The following FBXO8 variants were observed in gnomAD, a reference collection of about 807,000 sequenced individuals.
The protein encoded by FBXO8 is F-box protein 8.
FBXO8 carries 15 observed loss-of-function variants against 33.4 expected under a neutral mutation model. The observed-to-expected ratio is 0.45, with a 90% CI of 0.30 to 0.69. The LOEUF is 0.69. FBXO8 is among the 30% of genes least tolerant of loss of function. The probability of loss-of-function intolerance (pLI) is 0.08; values close to 1 mark genes in which losing one functional copy is unlikely to be tolerated. For missense variants in FBXO8, 274 were observed against 380.3 expected, an observed-to-expected ratio of 0.72 and a Z score of 2.32; for synonymous variants, 132 against 131.5, an observed-to-expected ratio of 1.00 and a Z score of -0.02.
chr4:174,280,321 G>C (rs941674518), intron 1 of FBXO8, among the ~76,000 whole-genome samples: 1 of 149,050 alleles, frequency 6.7e-6, no homozygotes, highest in Non-Finnish European at 1.5e-5. Flanking sequence ...AGTTACTATC[G>C]AAAAAAAAAT....
In FBXO8 at chr4:174,262,733, C is replaced by T. The variant is rs1560872117; in HGVS notation, c.329+31G>A. The T allele has an allele frequency of 1.9e-6, 3 of 1,579,108 alleles. No individual in the cohort carries two copies. The highest frequency in any genetic ancestry group is 2.6e-6 in the Non-Finnish European group (3 of 1,150,498). On this transcript the variant is annotated intron_variant, in intron 2 of 5. Coordinates refer to ENST00000393674, the MANE Select transcript of FBXO8 (RefSeq NM_012180.3). This position sits in a 1 kb window ranked among gnomAD's most constrained non-coding sequence, Gnocchi z 4.6. ...TGAAGCATGATTATGTTTAGAGATA[C>T]CTGAATTCAACTTTGGTGGGTTTAA...
At position 174,254,272 on chromosome 4, in the gene FBXO8, G is replaced by A. The variant is rs1273754821; in HGVS notation, c.456+5427C>T. On this transcript the variant is annotated intron_variant, in intron 3 of 5. Transcript: ENST00000393674. The surrounding 1 kb of genome is among the most constrained non-coding windows in gnomAD (Gnocchi z 4.2). ...TTTATGCTATCTGGCATTGTTTGAAGTATGTGTGTCTTACTGTCAACTTGG... is the reference window on the plus strand; with the variant it reads ...TTTATGCTATCTGGCATTGTTTGAAATATGTGTGTCTTACTGTCAACTTGG... Among the ~76,000 whole-genome samples the A allele has an allele frequency of 2.0e-5, 3 of 152,170 alleles. No individual in the cohort carries two copies. The highest frequency in any genetic ancestry group is 4.4e-5 in the Non-Finnish European group (3 of 68,020).
At position 174,263,051 on chromosome 4, in the gene FBXO8, C is replaced by T. The variant is rs746200895; in HGVS notation, c.42G>A (p.Leu14=). The change falls in exon 2 of 6, where the codon CTG becomes CTA. Residue 14 remains leucine (L), a synonymous_variant. Transcript: ENST00000393674. This position sits in a 1 kb window ranked among gnomAD's most constrained non-coding sequence, Gnocchi z 4.2. ...GLWRVVRNQQ[L]QQEGYSEQGY... ...CTTGCTCACTGTAGCCTTCTTGTTG[C>T]AGCTGCTGGTTTCTGACCACTCTCC... 2.5e-5 allele frequency: 41 copies of T among 1,613,918 alleles called. No individual in the cohort carries two copies. The highest frequency in any genetic ancestry group is 1.8e-4 in the East Asian group (8 of 44,884).
rs189808879 is a variant in FBXO8 at position 174,268,222 on chromosome 4, G to C, written c.-8-5122C>G. ...TCTATTCACAATATTTTCATTAACTGATCAATACATAACCTTACTGTATGT... is the reference window on the plus strand; with the variant it reads ...TCTATTCACAATATTTTCATTAACTCATCAATACATAACCTTACTGTATGT... On this transcript the variant is annotated intron_variant, in intron 1 of 5. Transcript: ENST00000393674. Among the ~76,000 whole-genome samples, 17 of 152,238 alleles carry C rather than the reference G, an allele frequency of 1.1e-4. No individual in the cohort carries two copies. In the East Asian group the frequency reaches 3.3e-3, roughly 29 times the overall value.
chr4:174,254,999 A>G lies in FBXO8; in HGVS notation c.456+4700T>C, dbSNP rs1736384791. Among the ~76,000 whole-genome samples the G allele has an allele frequency of 1.3e-5, 2 of 152,180 alleles. No homozygotes were observed. Among genetic ancestry groups the G allele is most frequent in the Admixed American group, 1.3e-4 (2 of 15,272 alleles). On this transcript the variant is annotated intron_variant, in intron 3 of 5. Coordinates refer to ENST00000393674, the MANE Select transcript of FBXO8 (RefSeq NM_012180.3). This position sits in a 1 kb window ranked among gnomAD's most constrained non-coding sequence, Gnocchi z 4.2. ...CACCACGTCAAACAAAATTAGATATATATTGCATATAACATCCCCCTTGTT... is the reference window on the plus strand; with the variant it reads ...CACCACGTCAAACAAAATTAGATATGTATTGCATATAACATCCCCCTTGTT...
intron 5 of FBXO8, among the ~76,000 whole-genome samples, chr4:174,238,595 A>G (rs908099901): frequency 3.3e-5 from 5 of 151,276 alleles, no homozygotes; most frequent in South Asian, 4.2e-4. Flanking sequence ...ACAAATGTCT[A>G]TATGTCTATA....
At position 174,262,993 on chromosome 4, in the gene FBXO8, C is replaced by T; in HGVS notation, c.100G>A (p.Ala34Thr). 6.2e-7 allele frequency: 1 copy of T among 1,614,068 alleles called. No homozygotes were observed. The highest frequency in any genetic ancestry group is 8.5e-7 in the Non-Finnish European group (1 of 1,179,938). The change falls in exon 2 of 6, where the codon GCT (alanine) becomes ACT (threonine). Residue 34 changes from alanine to threonine, a missense_variant. Transcript: ENST00000393674. The surrounding 1 kb of genome is among the most constrained non-coding windows in gnomAD (Gnocchi z 4.6). ...TTGGTGTTAGAAATGTTGCTCGCAG[C>T]CATTCTCCTGCTCTGCTCTCTGGTG... Reference protein sequence around the residue: ...YLTREQSRRMAASNISNTNHR... With the variant: ...YLTREQSRRMTASNISNTNHR...
In FBXO8 at chr4:174,274,639, A is replaced by G. The variant is rs1736917380; in HGVS notation, c.-9+8771T>C. Among the ~76,000 whole-genome samples, 1 of 152,214 alleles carries G rather than the reference A, an allele frequency of 6.6e-6. No homozygotes were observed. Among genetic ancestry groups the G allele is most frequent in the Non-Finnish European group, 1.5e-5 (1 of 68,024 alleles). On this transcript the variant is annotated intron_variant, in intron 1 of 5. Transcript: ENST00000393674. The surrounding 1 kb of genome is among the most constrained non-coding windows in gnomAD (Gnocchi z 4.0). ...TACTAAAATAAGGAACTGACTCCAC[A>G]CAATAGGTTACATGAATAAACCCAG... is the stretch of plus-strand genomic sequence containing the variant.
rs1240552658 is a variant in FBXO8 at position 174,277,902 on chromosome 4, G to A, written c.-9+5508C>T. On this transcript the variant is annotated intron_variant, in intron 1 of 5. Coordinates refer to ENST00000393674, the MANE Select transcript of FBXO8 (RefSeq NM_012180.3). The surrounding 1 kb of genome is among the most constrained non-coding windows in gnomAD (Gnocchi z 4.9). ...AGCAACTCTATTTTTGGTTACTTCA[G>A]GTTTTAAAAATCTTTAAGGGATATC... Among the ~76,000 whole-genome samples the A allele has an allele frequency of 6.6e-6, 1 of 151,992 alleles. No homozygotes were observed. Among genetic ancestry groups the A allele is most frequent in the African/African-American group, 2.4e-5 (1 of 41,400 alleles).
At chr4:174,266,596 G>A (rs991807418) in intron 1 of FBXO8, among the ~76,000 whole-genome samples, 4 of 152,104 alleles carry the variant, frequency 2.6e-5, no homozygotes, top group South Asian at 2.1e-4. Context: ...TCAAAATGAC[G>A]TGACATCCAT....
At chr4:174,273,506 T>C (rs1736886841) in intron 1 of FBXO8, among the ~76,000 whole-genome samples, 4 of 152,052 alleles carry the variant, frequency 2.6e-5, no homozygotes. Context: ...AAAAATATGG[T>C]ATCATAGTAT....
Position 174,281,008 on chromosome 4 carries a change from T to C in FBXO8, c.-9+2402A>G, listed in dbSNP as rs1396212924. On this transcript the variant is annotated intron_variant, in intron 1 of 5. Transcript: ENST00000393674. This position sits in a 1 kb window ranked among gnomAD's most constrained non-coding sequence, Gnocchi z 4.6. Reference sequence around the variant, plus strand: ...ATACCATTGAACTGTACACTTAGAATGGTTAAGATGGTAAATTTTATGTTA... The same window carrying C: ...ATACCATTGAACTGTACACTTAGAACGGTTAAGATGGTAAATTTTATGTTA... Among the ~76,000 whole-genome samples the C allele has an allele frequency of 6.6e-6, 1 of 152,156 alleles. No homozygotes were observed. The highest frequency in any genetic ancestry group is 6.5e-5 in the Admixed American group (1 of 15,278).
At chr4:174,238,270 G>A (rs564992378) in intron 5 of FBXO8, among the ~76,000 whole-genome samples, 1 of 152,002 alleles carries the variant, frequency 6.6e-6, no homozygotes, top group South Asian at 2.1e-4. Context: ...AATATTTGAT[G>A]TTTAATATTA....
In FBXO8 at chr4:174,262,923, A is replaced by C. The variant is rs749582981; in HGVS notation, c.170T>G (p.Leu57Trp). The C allele has an allele frequency of 1.4e-5, 22 of 1,613,990 alleles. No homozygotes were observed. The highest frequency in any genetic ancestry group is 1.7e-5 in the Non-Finnish European group (20 of 1,179,962). ...VQGGIDIYHL[L>W]KARKSKEQEG... Reference sequence around the variant, plus strand: ...CTGTTCTTTCGATTTCCTTGCCTTCAAAAGATGATATATGTCAATGCCTCC... The same window carrying C: ...CTGTTCTTTCGATTTCCTTGCCTTCCAAAGATGATATATGTCAATGCCTCC... Residue 57 changes from leucine to tryptophan, a missense_variant, in exon 2 of 6, where the codon TTG (leucine) becomes TGG (tryptophan). Leu to Trp is a moderately conservative substitution (Grantham distance 61). This residue lies in a region of FBXO8 where 88 missense variants were observed against 86.9 expected (regional missense o/e 1.01). Transcript: ENST00000393674. This position sits in a 1 kb window ranked among gnomAD's most constrained non-coding sequence, Gnocchi z 4.6.
At position 174,267,864 on chromosome 4, in the gene FBXO8, G is replaced by A. The variant is rs1054710789; in HGVS notation, c.-8-4764C>T. Among the ~76,000 whole-genome samples, 9 of 152,140 alleles carry A rather than the reference G, an allele frequency of 5.9e-5. No individual in the cohort carries two copies. Among genetic ancestry groups the A allele is most frequent in the Non-Finnish European group, 1.3e-4 (9 of 68,032 alleles). ...GCTGCAATGTGGAATCACTGAATAT[G>A]CAAAAAGTTTCAAATTCAAAAAAAA... On this transcript the variant is annotated intron_variant, in intron 1 of 5. Transcript: ENST00000393674. This position sits in a 1 kb window ranked among gnomAD's most constrained non-coding sequence, Gnocchi z 4.7.
rs1411424474 is a variant in FBXO8, at chr4:174,281,860, A to C, written c.-9+1550T>G. ...TCCAGAAATAGATGTATTTCATTTA[A>C]ATTGTTTAAAAAATTATTTAAGTAA... On this transcript the variant is annotated intron_variant, in intron 1 of 5. Transcript: ENST00000393674. This position sits in a 1 kb window ranked among gnomAD's most constrained non-coding sequence, Gnocchi z 4.6. Among the ~76,000 whole-genome samples the C allele has an allele frequency of 6.6e-6, 1 of 152,250 alleles. No individual in the cohort carries two copies.
At position 174,253,250 on chromosome 4, in the gene FBXO8, C is replaced by T. The variant is rs1736338036; in HGVS notation, c.456+6449G>A. Among the ~76,000 whole-genome samples, 2 of 152,112 alleles carry T rather than the reference C, an allele frequency of 1.3e-5. No homozygotes were observed. The highest frequency in any genetic ancestry group is 6.6e-5 in the Admixed American group (1 of 15,264). On this transcript the variant is annotated intron_variant, in intron 3 of 5. Transcript: ENST00000393674. The surrounding 1 kb of genome is among the most constrained non-coding windows in gnomAD (Gnocchi z 4.5). ...TTACTTTTATCATAGGATATAGTGC[C>T]ACTAGAAGGAACCCCAAGACATCTC...
intron 3 of FBXO8, among the ~76,000 whole-genome samples, chr4:174,244,013 C>T (rs372600519): frequency 5.3e-5 from 8 of 151,326 alleles, no homozygotes; most frequent in African/African-American, 1.9e-4. Context: ...AGCGGAGGGA[C>T]ATAGGAGTAT....
At chr4:174,243,977 T>G (rs899316530) in intron 3 of FBXO8, among the ~76,000 whole-genome samples, 1 of 151,660 alleles carries the variant, frequency 6.6e-6, no homozygotes, top group South Asian at 2.1e-4. Flanking sequence ...CGTTGAAGGC[T>G]GTAGAATTCA....
Sources: gnomAD v4.1 joint callset for allele counts (sites outside exome capture counted in the v4.1 genomes callset) on GRCh38, gnomAD v4.1.1 for gene constraint, gnomAD v4.1.1 regional missense constraint, Gnocchi (gnomAD v3.1) non-coding constraint, MANE v1.5 for transcripts, NCBI Gene and HGNC (gene_info 2026-07-23, HGNC 2026-07-21) for gene names.